Variants in POU6F2 observed in about 807,000 individuals in gnomAD.
The protein encoded by POU6F2 is POU class 6 homeobox 2.
Under a neutral mutation model 71.3 loss-of-function variants are expected in POU6F2, and 31 were observed. That is an observed-to-expected ratio of 0.43 (90% CI 0.33 to 0.59). POU6F2 has a LOEUF of 0.59. Ranked by LOEUF, POU6F2 falls within the 20% of genes least tolerant of loss-of-function variation. The pLI is 0.04. For missense variants in POU6F2, 783 were observed against 856.8 expected (o/e 0.91, Z 1.07); for synonymous variants, 347 against 355.7 (o/e 0.98, Z 0.27).
chr7:39,171,353 C>A (rs2128739149), intron 2 of POU6F2, among the ~76,000 whole-genome samples: 1 of 152,204 alleles, frequency 6.6e-6, no homozygotes, highest in African/African-American at 2.4e-5. Flanking sequence ...AGAAATTAAA[C>A]AATTTTCCTT....
chr7:39,082,043 G>A (rs1264683946), intron 1 of POU6F2, among the ~76,000 whole-genome samples: 1 of 152,228 alleles, frequency 6.6e-6, no homozygotes, highest in Non-Finnish European at 1.5e-5. Flanking sequence ...AGATCCATCT[G>A]AGGAGACTGT....
intron 4 of POU6F2, among the ~76,000 whole-genome samples, chr7:39,209,725 A>G (rs185558474): frequency 1.3e-5 from 2 of 152,262 alleles, no homozygotes; most frequent in East Asian, 3.9e-4. Flanking sequence ...GCCATCCCAA[A>G]GCTGATTTTC....
chr7:39,161,450 A>G (rs766794662), intron 2 of POU6F2, among the ~76,000 whole-genome samples: 36 of 152,290 alleles, frequency 2.4e-4, no homozygotes, highest in Non-Finnish European at 4.9e-4. Context: ...CCAGTTTTCA[A>G]TCTTCCAAAG....
At chr7:39,264,352 G>A (rs1784201462) in intron 4 of POU6F2, among the ~76,000 whole-genome samples, 1 of 152,218 alleles carries the variant, frequency 6.6e-6, no homozygotes, top group Non-Finnish European at 1.5e-5. Flanking sequence ...TGGACGCCCA[G>A]CCATCCAACT....
intron 4 of POU6F2, among the ~76,000 whole-genome samples, chr7:39,259,959 CCACACACA>C: frequency 6.6e-6 from 1 of 151,586 alleles, no homozygotes; most frequent in African/African-American, 2.4e-5. Flanking sequence ...CGTACATGCA[CCACACACA>C]CACATACACA....
At chr7:39,399,281 T>C (rs1787244955) in intron 5 of POU6F2, among the ~76,000 whole-genome samples, 1 of 152,214 alleles carries the variant, frequency 6.6e-6, no homozygotes, top group Admixed American at 6.5e-5. Context: ...CATGTCAGTC[T>C]GTCATTCGCA....
At chr7:39,104,332 C>T (rs1394633842) in intron 2 of POU6F2, among the ~76,000 whole-genome samples, 2 of 152,236 alleles carry the variant, frequency 1.3e-5, no homozygotes, top group African/African-American at 2.4e-5. Flanking sequence ...AGAGATAGTG[C>T]ATTTCTGTCT....
At chr7:39,153,764 C>T (rs989517486) in intron 2 of POU6F2, among the ~76,000 whole-genome samples, 3 of 152,060 alleles carry the variant, frequency 2.0e-5, no homozygotes, top group Non-Finnish European at 4.4e-5. Flanking sequence ...ATGTAAAAAT[C>T]AGTACTGTAG....
intron 5 of POU6F2, among the ~76,000 whole-genome samples, chr7:39,365,468 C>T (rs780953623): frequency 9.9e-5 from 15 of 152,154 alleles, no homozygotes; most frequent in Non-Finnish European, 1.8e-4. Flanking sequence ...CCCTTCTAGA[C>T]TTAGGCAAGG....
At chr7:39,390,979 G>A (rs969358050) in intron 5 of POU6F2, among the ~76,000 whole-genome samples, 1 of 151,894 alleles carries the variant, frequency 6.6e-6, no homozygotes, top group African/African-American at 2.4e-5. Flanking sequence ...CTTTCATTCC[G>A]AGCAAACCCT....
intron 1 of POU6F2, among the ~76,000 whole-genome samples, chr7:39,074,680 T>G (rs995047495): frequency 6.6e-5 from 10 of 152,098 alleles, no homozygotes; most frequent in African/African-American, 2.4e-4. Context: ...TTGTTGAATT[T>G]TTTTGGTGGG....
At chr7:39,057,811 A>G (rs1030315191) in intron 1 of POU6F2, among the ~76,000 whole-genome samples, 2 of 152,176 alleles carry the variant, frequency 1.3e-5, no homozygotes, top group Non-Finnish European at 2.9e-5. Context: ...AACATCATTA[A>G]TTGGAAAATC....
intron 4 of POU6F2, among the ~76,000 whole-genome samples, chr7:39,222,508 T>C (rs1794389173): frequency 6.6e-6 from 1 of 152,132 alleles, no homozygotes; most frequent in African/African-American, 2.4e-5. Flanking sequence ...TCCATCTCTC[T>C]AGAACTTTTT....
intron 1 of POU6F2, among the ~76,000 whole-genome samples, chr7:39,058,117 C>T (rs577156140): frequency 7.9e-5 from 12 of 152,158 alleles, no homozygotes; most frequent in Non-Finnish European, 1.8e-4. Flanking sequence ...AAGCTAGAAA[C>T]AGCATCTAAT....
chr7:39,104,570 G>A (rs185656439), intron 2 of POU6F2, among the ~76,000 whole-genome samples: 2 of 152,230 alleles, frequency 1.3e-5, no homozygotes, highest in African/African-American at 4.8e-5. Flanking sequence ...AAGGGAAGAG[G>A]CACTACATTG....
chr7:39,144,703 A>G (rs1393479830), intron 2 of POU6F2, among the ~76,000 whole-genome samples: 1 of 152,232 alleles, frequency 6.6e-6, no homozygotes, highest in African/African-American at 2.4e-5. Flanking sequence ...GGGAATCATC[A>G]ACTATCTTTC....
chr7:39,014,431 A>G (rs1329580323), intron 1 of POU6F2, among the ~76,000 whole-genome samples: 1 of 152,232 alleles, frequency 6.6e-6, no homozygotes, highest in Admixed American at 6.5e-5. Flanking sequence ...AATTAATTTT[A>G]CAGAAATGAT....
intron 2 of POU6F2, among the ~76,000 whole-genome samples, chr7:39,117,609 C>G (rs1043791946): frequency 3.9e-5 from 6 of 152,078 alleles, no homozygotes; most frequent in Admixed American, 1.3e-4. Flanking sequence ...AAGGTGAGCC[C>G]TTACTGCAGG....
intron 5 of POU6F2, among the ~76,000 whole-genome samples, chr7:39,362,468 A>G (rs946316673): frequency 3.3e-5 from 5 of 152,166 alleles, no homozygotes; most frequent in African/African-American, 9.7e-5. Context: ...AGAGGATTCT[A>G]TGGCAAAATG....
Sources: allele counts gnomAD v4.1 joint callset (sites outside exome capture counted in the v4.1 genomes callset), GRCh38; gene constraint gnomAD v4.1.1; transcripts MANE v1.5; gene names NCBI Gene and HGNC (gene_info 2026-07-23, HGNC 2026-07-21).